TANC1: variants seen among roughly 807,000 people sequenced by gnomAD.
The protein encoded by TANC1 is tetratricopeptide repeat, ankyrin repeat and coiled-coil containing 1.
In TANC1, 77 loss-of-function variants were observed where a neutral mutation model predicts 149.7. The ratio of observed to expected loss-of-function variants is 0.51; its 90% confidence interval spans 0.43 to 0.62. The LOEUF is 0.62. Among genes scored for constraint, TANC1 ranks in the 20% least tolerant of loss-of-function variants. The pLI is 0.00. For missense variants in TANC1, 1,985 were observed against 2,321.8 expected, an observed-to-expected ratio of 0.85 and a Z score of 2.98; for synonymous variants, 854 against 925.0, an observed-to-expected ratio of 0.92 and a Z score of 1.39.
At chr2:159,053,463 A>G (rs1036613071) in intron 2 of TANC1, among the ~76,000 whole-genome samples, 4 of 152,218 alleles carry the variant, frequency 2.6e-5, no homozygotes, top group African/African-American at 9.7e-5. Context: ...GGAAGAGATG[A>G]TGCTGTGTGG....
chr2:159,127,689 C>T (rs1475602860), intron 4 of TANC1, among the ~76,000 whole-genome samples: 1 of 152,134 alleles, frequency 6.6e-6, no homozygotes, highest in Non-Finnish European at 1.5e-5. Context: ...TGGAGAAGAA[C>T]AACACATACC....
At chr2:159,054,050 G>A (rs146907014) in intron 2 of TANC1, among the ~76,000 whole-genome samples, 4 of 152,192 alleles carry the variant, frequency 2.6e-5, no homozygotes, top group African/African-American at 7.2e-5. Flanking sequence ...TGTGTGAGCC[G>A]TGTGTATGTT....
intron 1 of TANC1, among the ~76,000 whole-genome samples, chr2:158,992,542 G>A (rs1221480641): frequency 6.6e-5 from 10 of 151,802 alleles, no homozygotes; most frequent in South Asian, 4.2e-4. Context: ...TTGCCCTGTC[G>A]CCCAGGCTGG....
intron 7 of TANC1, among the ~76,000 whole-genome samples, chr2:159,156,647 C>A (rs186452622): frequency 1.2e-4 from 18 of 152,272 alleles, no homozygotes; most frequent in African/African-American, 4.3e-4. Context: ...ATACCTCTGA[C>A]GGAAGATGTA....
chr2:159,133,792 G>A (rs1166149115), intron 4 of TANC1, among the ~76,000 whole-genome samples: 2 of 152,206 alleles, frequency 1.3e-5, no homozygotes, highest in South Asian at 2.1e-4. Context: ...TATGAAGACC[G>A]CCAAGTGATT....
At chr2:158,998,080 A>T (rs1018636217) in intron 1 of TANC1, among the ~76,000 whole-genome samples, 7 of 152,128 alleles carry the variant, frequency 4.6e-5, no homozygotes, top group Non-Finnish European at 8.8e-5. Flanking sequence ...GCAACGTAGC[A>T]AGACCCCATG....
chr2:158,980,405 A>G (rs889766866), intron 1 of TANC1, among the ~76,000 whole-genome samples: 1 of 152,114 alleles, frequency 6.6e-6, no homozygotes, highest in Non-Finnish European at 1.5e-5. Context: ...TAACTTTGCT[A>G]TGCATTTCTA....
intron 2 of TANC1, among the ~76,000 whole-genome samples, chr2:159,030,652 A>G (rs1339442100): frequency 6.6e-6 from 1 of 152,184 alleles, no homozygotes; most frequent in Non-Finnish European, 1.5e-5. Flanking sequence ...AGCATACTCA[A>G]AGCCAACATA....
At chr2:158,981,520 TATATATATATATATATATATATAA>T (rs1187579672) in intron 1 of TANC1, among the ~76,000 whole-genome samples, 4 of 117,202 alleles carry the variant, frequency 3.4e-5, no homozygotes, top group Non-Finnish European at 5.3e-5. Context: ...TATATATATA[TATATATATATATATATATATATAA>T]AGAAGTAACA....
intron 3 of TANC1, among the ~76,000 whole-genome samples, chr2:159,087,920 T>C (rs2045110633): frequency 6.7e-6 from 1 of 149,514 alleles, no homozygotes; most frequent in African/African-American, 2.5e-5. Context: ...GAGAATGTGA[T>C]GTGATGACGT....
intron 19 of TANC1, among the ~76,000 whole-genome samples, chr2:159,216,631 G>A (rs770643601): frequency 1.7e-4 from 26 of 152,108 alleles, no homozygotes; most frequent in Non-Finnish European, 2.6e-4. Flanking sequence ...GGAGGGTGTC[G>A]TGAGTACCCC....
intron 4 of TANC1, among the ~76,000 whole-genome samples, chr2:159,108,409 C>T (rs1308796644): frequency 2.0e-5 from 3 of 152,216 alleles, no homozygotes; most frequent in Admixed American, 6.5e-5. Flanking sequence ...ACAGCAGTGT[C>T]AGCTGCACCC....
intron 3 of TANC1, among the ~76,000 whole-genome samples, chr2:159,075,944 G>T (rs1274030871): frequency 6.6e-6 from 1 of 152,178 alleles, no homozygotes. Flanking sequence ...ATGTGAATGT[G>T]CCTGCTTGCA....
At chr2:159,005,425 T>C (rs2037063003) in intron 2 of TANC1, among the ~76,000 whole-genome samples, 1 of 152,044 alleles carries the variant, frequency 6.6e-6, no homozygotes, top group East Asian at 1.9e-4. Flanking sequence ...ACCCCATCTC[T>C]ACAAAAAATA....
intron 23 of TANC1, chr2:159,225,290 A>T (rs2059951454): frequency 3.9e-6 from 1 of 259,118 alleles, no homozygotes; most frequent in Non-Finnish European, 7.5e-6. Context: ...AAGCCATGAC[A>T]TCTCGGAGTA....
At chr2:159,191,459 T>C (rs1282126052) in intron 16 of TANC1, among the ~76,000 whole-genome samples, 1 of 152,114 alleles carries the variant, frequency 6.6e-6, no homozygotes, top group Non-Finnish European at 1.5e-5. Context: ...GGAATGAGCA[T>C]TCCAGTCAGG....
intron 2 of TANC1, chr2:159,003,962 C>T: frequency 6.2e-7 from 1 of 1,612,554 alleles, no homozygotes; most frequent in Non-Finnish European, 8.5e-7. Context: ...CAAAAAGCTT[C>T]AGAGTTCTCT....
chr2:159,046,741 C>A (rs1375301670), intron 2 of TANC1, among the ~76,000 whole-genome samples: 1 of 151,368 alleles, frequency 6.6e-6, no homozygotes, highest in Non-Finnish European at 1.5e-5. Context: ...GCTAGGAGTA[C>A]AGGCGCGAGG....
At chr2:159,091,828 A>G (rs1031594722) in intron 3 of TANC1, among the ~76,000 whole-genome samples, 1 of 152,196 alleles carries the variant, frequency 6.6e-6, no homozygotes. Context: ...TTTATTTTCA[A>G]AATGTTCTGC....
Sources: gnomAD v4.1 joint callset for allele counts (sites outside exome capture counted in the v4.1 genomes callset) on GRCh38, gnomAD v4.1.1 for gene constraint, MANE v1.5 for transcripts, NCBI Gene and HGNC (gene_info 2026-07-23, HGNC 2026-07-21) for gene names.